ZNF529: variants seen among roughly 807,000 people sequenced by gnomAD.
ZNF529 encodes zinc finger protein 529.
Under a neutral mutation model 10.1 loss-of-function variants are expected in ZNF529, and 11 were observed. That is an observed-to-expected ratio of 1.09 (90% CI 0.69 to 1.81). ZNF529 has a LOEUF of 1.81. Among genes scored for constraint, ZNF529 ranks in the 40% most tolerant of loss-of-function variants. The probability of loss-of-function intolerance (pLI) is 0.00; values close to 1 mark genes in which losing one functional copy is unlikely to be tolerated. For missense variants in ZNF529, 624 were observed against 666.8 expected, an observed-to-expected ratio of 0.94 and a Z score of 0.71; for synonymous variants, 204 against 215.7, an observed-to-expected ratio of 0.95 and a Z score of 0.47.
intron 4 of ZNF529, among the ~76,000 whole-genome samples, chr19:36,552,274 C>CA (rs1166647645): frequency 1.3e-5 from 2 of 151,842 alleles, no homozygotes; most frequent in Non-Finnish European, 2.9e-5. Flanking sequence ...ACTAAAAATA[C>CA]AAAAAATTAG....
intron 1 of ZNF529, among the ~76,000 whole-genome samples, chr19:36,598,213 T>G (rs897559693): frequency 2.0e-5 from 3 of 152,166 alleles, no homozygotes; most frequent in Non-Finnish European, 2.9e-5. Context: ...TTCTTTTCAT[T>G]TAAGACTACT....
intron 2 of ZNF529, among the ~76,000 whole-genome samples, chr19:36,567,224 G>C (rs750348029): frequency 1.3e-5 from 2 of 152,130 alleles, no homozygotes; most frequent in African/African-American, 4.8e-5. Context: ...TGACAAGGGT[G>C]CCAATCTAAT....
At chr19:36,600,047 T>G (rs1449441430) in intron 1 of ZNF529, among the ~76,000 whole-genome samples, 1 of 152,040 alleles carries the variant, frequency 6.6e-6, no homozygotes, top group Admixed American at 6.6e-5. Flanking sequence ...TATTCCATTT[T>G]TAGTAGAGAC....
At chr19:36,602,052 A>ATTTT (rs35443863) in intron 1 of ZNF529, among the ~76,000 whole-genome samples, 7 of 145,560 alleles carry the variant, frequency 4.8e-5, no homozygotes, top group African/African-American at 7.7e-5. Context: ...GAACGCTACA[A>ATTTT]TTTTTTTTTT....
intron 4 of ZNF529, among the ~76,000 whole-genome samples, chr19:36,552,246 C>T (rs932272853): frequency 6.6e-6 from 1 of 151,914 alleles, no homozygotes. Context: ...CTGGCTAACA[C>T]GGTGATACCC....
Position 36,572,324 on chromosome 19 carries a change from A to C in ZNF529, c.14+9T>G. 1.9e-6 allele frequency: 3 copies of C among 1,551,052 alleles called. No individual in the cohort carries two copies. Among genetic ancestry groups the C allele is most frequent in the Non-Finnish European group, 2.6e-6 (3 of 1,146,862 alleles). On this transcript the variant is annotated intron_variant, in intron 2 of 4. Transcript: ENST00000591340. ...GGGACCAGGTAAATGAACAAAAAAA[A>C]AAACTAACCTTGAGTTGGCCATTAG...
At chr19:36,554,363 G>T (rs535739055) in intron 4 of ZNF529, among the ~76,000 whole-genome samples, 7 of 152,300 alleles carry the variant, frequency 4.6e-5, no homozygotes, top group African/African-American at 1.7e-4. Context: ...CGAATCACAA[G>T]GTCAGGAGTT....
At chr19:36,602,667 G>A (rs2036946271) in intron 1 of ZNF529, among the ~76,000 whole-genome samples, 2 of 152,026 alleles carry the variant, frequency 1.3e-5, no homozygotes, top group Admixed American at 6.5e-5. Flanking sequence ...GGTGGCTCAC[G>A]CCTGTAATCC....
chr19:36,585,193 G>T (rs966790924), intron 2 of ZNF529, among the ~76,000 whole-genome samples: 2 of 152,206 alleles, frequency 1.3e-5, no homozygotes, highest in Non-Finnish European at 2.9e-5. Flanking sequence ...ATGGAGGAAA[G>T]AATTAAAGAC....
chr19:36,572,224 G>T (rs2036145064), intron 2 of ZNF529, 109 bp downstream of exon 2: 2 of 1,113,416 alleles, frequency 1.8e-6, no homozygotes, highest in Non-Finnish European at 2.6e-6. Flanking sequence ...AAGGGAAATG[G>T]GCATTTGGAA....
At chr19:36,559,774 G>A (rs1167279354) in intron 2 of ZNF529, among the ~76,000 whole-genome samples, 1 of 152,142 alleles carries the variant, frequency 6.6e-6, no homozygotes, top group East Asian at 1.9e-4. Flanking sequence ...GTAAAACAGA[G>A]GGGGGTGGTT....
chr19:36,547,595 A>C lies in ZNF529; in HGVS notation c.963T>G (p.Phe321Leu). 3 of 1,613,834 alleles carry C rather than the reference A, an allele frequency of 1.9e-6. No individual in the cohort carries two copies. Among genetic ancestry groups the C allele is most frequent in the Non-Finnish European group, 2.5e-6 (3 of 1,179,796 alleles). The change falls in exon 5 of 5, where the codon TTT becomes TTG. Residue 321 changes from phenylalanine to leucine, a missense_variant. By Grantham distance (22) the Phe-to-Leu change is conservative. Transcript: ENST00000591340. ...KCMECGKDFR[F>L]HSQLTEHQRI... ...TCTGATGTTCGGTAAGCTGTGAATG[A>C]AATCTGAAGTCCTTGCCACATTCCA...
chr19:36,559,987 G>A (rs910516490), intron 2 of ZNF529, among the ~76,000 whole-genome samples: 11 of 152,112 alleles, frequency 7.2e-5, no homozygotes, highest in South Asian at 2.1e-4. Context: ...GGCCTGGTGC[G>A]TTGGTTCACA....
intron 1 of ZNF529, chr19:36,604,771 A>G (rs1049825071): frequency 1.3e-5 from 2 of 152,350 alleles, no homozygotes; most frequent in African/African-American, 4.8e-5. Context: ...TGACACATTC[A>G]TAGTCACCGC....
chr19:36,580,800 C>A (rs2036446818), intron 2 of ZNF529: 1 of 151,882 alleles, frequency 6.6e-6, no homozygotes, highest in African/African-American at 2.4e-5. Flanking sequence ...CACAAATATT[C>A]AGAAAAAACA....
chr19:36,583,825 T>C (rs987699223), intron 2 of ZNF529, among the ~76,000 whole-genome samples: 2 of 151,812 alleles, frequency 1.3e-5, no homozygotes, highest in Admixed American at 6.6e-5. Context: ...TAAAGATATA[T>C]CTGAAGAGAT....
At chr19:36,554,900 G>C in intron 3 of ZNF529, 104 bp from the exon 4 acceptor site, 1 of 1,055,196 alleles carries the variant, frequency 9.5e-7, no homozygotes. Context: ...CAGTAAACAA[G>C]GAGGCCAAAA....
chr19:36,589,442 G>T (rs1183965623), intron 2 of ZNF529, among the ~76,000 whole-genome samples: 2 of 152,196 alleles, frequency 1.3e-5, no homozygotes, highest in Non-Finnish European at 2.9e-5. Context: ...ATATCTGGGG[G>T]TCATTGAAGT....
intron 2 of ZNF529, among the ~76,000 whole-genome samples, chr19:36,563,132 C>A (rs2035770029): frequency 6.6e-6 from 1 of 151,622 alleles, no homozygotes; most frequent in South Asian, 2.1e-4. Context: ...AAGAAAGTTG[C>A]CTATGGGTGC....
Sources: allele counts gnomAD v4.1 joint callset (sites outside exome capture counted in the v4.1 genomes callset), GRCh38; gene constraint gnomAD v4.1.1; transcripts MANE v1.5; gene names NCBI Gene and HGNC (gene_info 2026-07-23, HGNC 2026-07-21).